The following SLC9C1 variants were observed in gnomAD, a reference collection of about 807,000 sequenced individuals.
SLC9C1 encodes the protein sodium/hydrogen exchanger 10.
SLC9C1 carries 97 observed loss-of-function variants against 140.9 expected under a neutral mutation model. The ratio of observed to expected loss-of-function variants is 0.69; its 90% CI spans 0.58 to 0.82. The LOEUF is 0.82. Among genes scored for constraint, SLC9C1 ranks in the 40% least tolerant of loss-of-function variants. The probability of loss-of-function intolerance (pLI) is 0.00; values close to 1 mark genes in which losing one functional copy is unlikely to be tolerated. For missense variants in SLC9C1, 1,340 were observed against 1,389.3 expected (o/e 0.96, Z 0.56); for synonymous variants, 440 against 442.6 (o/e 0.99, Z 0.07).
At chr3:112,250,902 G>T (rs2079436833) in intron 10 of SLC9C1, among the ~76,000 whole-genome samples, 2 of 152,120 alleles carry the variant, frequency 1.3e-5, no homozygotes, top group African/African-American at 4.8e-5. Flanking sequence ...TTATCTAAGA[G>T]AATATAAATT....
intron 20 of SLC9C1, among the ~76,000 whole-genome samples, chr3:112,184,900 T>TACACCACCGGG (rs2077504140): frequency 6.6e-6 from 1 of 151,798 alleles, no homozygotes. Context: ...AGCAAGACAA[T>TACACCACCGGG]ACACCACCGG....
chr3:112,179,879 A>C (rs1160383393), intron 22 of SLC9C1, among the ~76,000 whole-genome samples, 178 bp from the exon 23 acceptor site: 1 of 152,220 alleles, frequency 6.6e-6, no homozygotes, highest in Admixed American at 6.5e-5. Flanking sequence ...TTTAGACACA[A>C]AGCATTCTTA....
intron 26 of SLC9C1, among the ~76,000 whole-genome samples, chr3:112,162,183 G>T (rs1172738504): frequency 6.6e-6 from 1 of 152,106 alleles, no homozygotes; most frequent in Non-Finnish European, 1.5e-5. Flanking sequence ...GAGACAATGG[G>T]GTTATCTAGA....
chr3:112,231,997 G>T (rs9288945), intron 12 of SLC9C1, among the ~76,000 whole-genome samples: 2 of 152,118 alleles, frequency 1.3e-5, no homozygotes, highest in Admixed American at 6.6e-5. Context: ...GTGAACACAC[G>T]TAAAGGAAAT....
chr3:112,271,379 A>G (rs1204122122), intron 6 of SLC9C1, among the ~76,000 whole-genome samples: 5 of 138,360 alleles, frequency 3.6e-5, no homozygotes, highest in African/African-American at 5.2e-5. Flanking sequence ...AGTTTGATTT[A>G]ATCATTCTAC....
chr3:112,286,898 C>T lies in SLC9C1; in HGVS notation c.-87-20G>A, dbSNP rs1576534014. 3 of 619,490 alleles carry T rather than the reference C, an allele frequency of 4.8e-6. No homozygotes were observed. In the East Asian group the frequency reaches 1.0e-4, roughly 21 times the overall value. 38.4% of individuals were successfully genotyped at this position (619,490 alleles called of 1,614,324 possible). On this transcript the variant is annotated intron_variant, in intron 1 of 28. Transcript: ENST00000305815. ...CTGAATCTAAGAAACATAAGATTTG[C>T]CTTCTTGGTGGCCTTCTAATAATTT...
chr3:112,160,198 G>A (rs2075251613), intron 26 of SLC9C1, among the ~76,000 whole-genome samples: 1 of 145,876 alleles, frequency 6.9e-6, no homozygotes, highest in South Asian at 2.3e-4. Context: ...CTGGTAGTAC[G>A]TTTTAAATAA....
chr3:112,259,135 A>G (rs780168505), intron 10 of SLC9C1, among the ~76,000 whole-genome samples: 2 of 152,168 alleles, frequency 1.3e-5, no homozygotes, highest in Non-Finnish European at 2.9e-5. Flanking sequence ...GAATGAGATC[A>G]TGTCCTGCAG....
intron 2 of SLC9C1, among the ~76,000 whole-genome samples, chr3:112,281,619 G>A (rs2080358518): frequency 6.6e-6 from 1 of 152,144 alleles, no homozygotes; most frequent in African/African-American, 2.4e-5. Flanking sequence ...AAATATGCAG[G>A]GAAGGAATAA....
intron 20 of SLC9C1, among the ~76,000 whole-genome samples, chr3:112,187,061 A>G (rs1560042677): frequency 6.6e-6 from 1 of 152,064 alleles, no homozygotes. Context: ...ATCTCTTTCT[A>G]TTTTGGGCTT....
At chr3:112,228,805 G>C (rs1471313245) in intron 13 of SLC9C1, among the ~76,000 whole-genome samples, 13 of 152,036 alleles carry the variant, frequency 8.6e-5, no homozygotes, top group Admixed American at 8.5e-4. Flanking sequence ...TAGTGAATAG[G>C]GAAATGAAAG....
intron 13 of SLC9C1, among the ~76,000 whole-genome samples, chr3:112,227,162 TA>T (rs1238718002): frequency 6.6e-6 from 1 of 152,042 alleles, no homozygotes; most frequent in African/African-American, 2.4e-5. Flanking sequence ...AATGAAGACT[TA>T]CAAGATTGCA....
chr3:112,152,880 A>G (rs978481402), intron 27 of SLC9C1, among the ~76,000 whole-genome samples: 2 of 152,220 alleles, frequency 1.3e-5, no homozygotes, highest in African/African-American at 4.8e-5. Flanking sequence ...CCAGGGTTAC[A>G]GATTAGCAGC....
At chr3:112,281,023 T>G (rs2080344115) in intron 2 of SLC9C1, among the ~76,000 whole-genome samples, 1 of 152,222 alleles carries the variant, frequency 6.6e-6, no homozygotes, top group African/African-American at 2.4e-5. Context: ...TTAACAAACA[T>G]TACTAGCAAT....
At chr3:112,172,874 A>G (rs2077271613) in intron 23 of SLC9C1, among the ~76,000 whole-genome samples, 1 of 152,118 alleles carries the variant, frequency 6.6e-6, no homozygotes, top group African/African-American at 2.4e-5. Context: ...TCAATCTTAT[A>G]TTCCTAAAAT....
At chr3:112,249,401 C>T (rs2079385454) in intron 10 of SLC9C1, among the ~76,000 whole-genome samples, 1 of 151,134 alleles carries the variant, frequency 6.6e-6, no homozygotes. Flanking sequence ...GGATATTGGC[C>T]CGAAGTTTTA....
chr3:112,293,979 T>C (rs2080764209), intron 1 of SLC9C1, 114 bp downstream of exon 1: 1 of 151,948 alleles, frequency 6.6e-6, no homozygotes, highest in African/African-American at 2.4e-5. Context: ...TGGCTGAATC[T>C]CTAGCAGGAA....
At position 112,169,214 on chromosome 3, in the gene SLC9C1, C is replaced by G. The variant is rs1177603978; in HGVS notation, c.3034G>C (p.Glu1012Gln). The G allele has an allele frequency of 3.1e-6, 5 of 1,612,794 alleles. No individual in the cohort carries two copies. In the African/African-American group the frequency reaches 5.3e-5, roughly 17 times the overall value. ...GLAITARKIR[E>Q]HLSYEDWNYN... ...CTTCCTACCTCATAAGATAAGTGTT[C>G]TCTGATTTTTCTGGCTGTAATAGCG... Residue 1012 changes from glutamate to glutamine, a missense_variant, in exon 24 of 29, where the codon GAA becomes CAA. Glu to Gln is a conservative substitution (Grantham distance 29). Coordinates refer to ENST00000305815, the MANE Select transcript of SLC9C1 (RefSeq NM_183061.3).
intron 12 of SLC9C1, among the ~76,000 whole-genome samples, chr3:112,234,903 G>T (rs2108190972): frequency 6.6e-6 from 1 of 152,090 alleles, no homozygotes; most frequent in East Asian, 1.9e-4. Flanking sequence ...GTTGAAGTCA[G>T]GTAGCATGAT....
Sources: allele counts gnomAD v4.1 joint callset (sites outside exome capture counted in the v4.1 genomes callset), GRCh38; gene constraint gnomAD v4.1.1; transcripts MANE v1.5; gene names NCBI Gene and HGNC (gene_info 2026-07-23, HGNC 2026-07-21).